M6PR: variants seen among roughly 807,000 people sequenced by gnomAD.
M6PR encodes mannose-6-phosphate receptor, cation dependent.
Under a neutral mutation model 33.1 loss-of-function variants are expected in M6PR, and 19 were observed. The observed-to-expected ratio is 0.57, with a 90% CI of 0.40 to 0.84. The LOEUF (loss-of-function observed/expected upper bound fraction) is 0.84. M6PR is among the 40% of genes least tolerant of loss of function. M6PR has a pLI of 0.00. For missense variants in M6PR, 295 were observed against 336.0 expected (o/e 0.88, Z 0.95); for synonymous variants, 111 against 123.4 (o/e 0.90, Z 0.67).
intron 1 of M6PR, chr12:8,946,628 GTC>G: frequency 2.4e-6 from 1 of 415,994 alleles, no homozygotes; most frequent in Non-Finnish European, 4.3e-6. Flanking sequence ...GTATAGGTGA[GTC>G]TTTCAGAACA....
rs1946008602 is a variant in M6PR at position 8,941,572 on chromosome 12, C to G, written c.*246G>C. 1 of 395,536 alleles carries G rather than the reference C, an allele frequency of 2.5e-6. No individual in the cohort carries two copies. The highest frequency in any genetic ancestry group is 4.0e-5 in the Admixed American group (1 of 24,822). 24.5% of individuals were successfully genotyped at this position (395,536 alleles called of 1,614,324 possible). On this transcript the variant is annotated 3_prime_UTR_variant, in exon 7 of 7. Coordinates refer to ENST00000000412, the MANE Select transcript of M6PR (RefSeq NM_002355.4). ...ATGTCAAGAGACAATGCAAAAGCCTCTGTTTTCACAGGCCCTATTATATTA... is the reference window on the plus strand; with the variant it reads ...ATGTCAAGAGACAATGCAAAAGCCTGTGTTTTCACAGGCCCTATTATATTA...
At position 8,941,901 on chromosome 12, in the gene M6PR, C is replaced by T. The variant is rs143820587; in HGVS notation, c.751G>A (p.Val251Met). Reference protein sequence around the residue: ...DFVCRSKPRNVPAAYRGVGDD... With the variant: ...DFVCRSKPRNMPAAYRGVGDD... Reference sequence around the variant, plus strand: ...CCCACACCACGATATGCTGCAGGCACATTTCGAGGTTTAGAACGGCAGACA... The same window carrying T: ...CCCACACCACGATATGCTGCAGGCATATTTCGAGGTTTAGAACGGCAGACA... The change falls in exon 7 of 7, where the codon GTG becomes ATG. Residue 251 changes from valine to methionine, a missense_variant. Physicochemically the swap from Val to Met is conservative, Grantham distance 21. Transcript: ENST00000000412. 6 of 1,613,990 alleles carry T rather than the reference C, an allele frequency of 3.7e-6. No homozygotes were observed. The highest frequency in any genetic ancestry group is 5.1e-6 in the Non-Finnish European group (6 of 1,180,026).
intron 1 of M6PR, chr12:8,946,828 C>T (rs1488231311): frequency 6.5e-6 from 1 of 154,628 alleles, no homozygotes; most frequent in East Asian, 1.9e-4. Context: ...TTTTACACTA[C>T]AAATCAATGA....
chr12:8,942,874 GA>G (rs11376818), intron 5 of M6PR, among the ~76,000 whole-genome samples: 1 of 151,382 alleles, frequency 6.6e-6, no homozygotes, highest in Non-Finnish European at 1.5e-5. Flanking sequence ...TGCAGTAGGG[GA>G]AAAAAGCACC....
At chr12:8,943,677 A>T (rs1592222391) in intron 4 of M6PR, 124 bp downstream of exon 4, 2 of 1,331,632 alleles carry the variant, frequency 1.5e-6, no homozygotes, top group East Asian at 4.6e-5. Flanking sequence ...ACACAGAGAG[A>T]AACTGAGCTC....
In M6PR at chr12:8,942,043, T is replaced by C. The variant is rs150398996; in HGVS notation, c.712-103A>G. ...GAATGTGGCAAGAATTGGTTTTCTATAGGGATAATGAGAAAACCTAAAAGA... is the reference window on the plus strand; with the variant it reads ...GAATGTGGCAAGAATTGGTTTTCTACAGGGATAATGAGAAAACCTAAAAGA... On this transcript the variant is annotated intron_variant, in intron 6 of 6. Coordinates refer to ENST00000000412, the MANE Select transcript of M6PR (RefSeq NM_002355.4). 918 of 1,310,756 alleles carry C rather than the reference T, an allele frequency of 7.0e-4. 14 individuals carry two copies. The East Asian group carries it at 0.019, about 28-fold the overall frequency. The allele number at this position is 1,310,756 out of a possible 1,614,324, so 81.2% of individuals were successfully genotyped here.
At position 8,941,774 on chromosome 12, in the gene M6PR, TGGTTTGGG is replaced by T. The variant is rs764054289; in HGVS notation, c.*36_*43del. ...CTTGAGAAATCTGGCTGTGTAGCTT[TGGTTTGGG>T]GGACTGAGGAAGAGGCTGGACATAT... is the stretch of plus-strand genomic sequence containing the variant. On this transcript the variant is annotated 3_prime_UTR_variant, in exon 7 of 7. Transcript: ENST00000000412. The T allele has an allele frequency of 3.1e-6, 5 of 1,609,662 alleles. No homozygotes were observed. The highest frequency in any genetic ancestry group is 3.4e-6 in the Non-Finnish European group (4 of 1,176,218).
chr12:8,943,625 T>C lies in M6PR; in HGVS notation c.454-90A>G, dbSNP rs926391640. The C allele has an allele frequency of 3.3e-6, 5 of 1,533,754 alleles. No individual in the cohort carries two copies. The Admixed American group carries it at 5.0e-5, about 15-fold the overall frequency. ...AAAAACCCAAAAAACATCTGCTCCTTCCTGGTTCAGCAGCCTATTTTCCAT... is the reference window on the plus strand; with the variant it reads ...AAAAACCCAAAAAACATCTGCTCCTCCCTGGTTCAGCAGCCTATTTTCCAT... On this transcript the variant is annotated intron_variant, in intron 4 of 6. Transcript: ENST00000000412.
In M6PR at chr12:8,942,172, A is replaced by T. The variant is rs1437159828; in HGVS notation, c.712-232T>A. 15 of 687,588 alleles carry T rather than the reference A, an allele frequency of 2.2e-5. No individual in the cohort carries two copies. In the East Asian group the frequency reaches 2.7e-4, roughly 12 times the overall value. 42.6% of individuals were successfully genotyped at this position (687,588 alleles called of 1,614,324 possible). A position where few individuals can be genotyped will look rare whatever the true frequency, so the allele number is the denominator to read the frequency against. On this transcript the variant is annotated intron_variant, in intron 6 of 6. Transcript: ENST00000000412. ...CAGGCCCTCTTAAAAGCTAAATCAG[A>T]TTTAGAAGAGCCCATCTGGTCAACA...
rs771548515 is a variant in M6PR at position 8,945,422 on chromosome 12, G to A, written c.339C>T (p.Asn113=). The A allele has an allele frequency of 1.6e-5, 26 of 1,613,804 alleles. No individual in the cohort carries two copies. The highest frequency in any genetic ancestry group is 4.5e-5 in the East Asian group (2 of 44,884). The change falls in exon 3 of 7, where the codon AAC becomes AAT. Residue 113 remains asparagine, a synonymous_variant. Coordinates refer to ENST00000000412, the MANE Select transcript of M6PR (RefSeq NM_002355.4). The part of the protein sequence containing the change: ...VGRLNETHIF[N]GSNWIMLIYK... Reference sequence around the variant, plus strand: ...TAGGAAGGGGAGTTTTCTTACTTCCGTTGAAGATGTGAGTCTCGTTGAGTC... The same window carrying A: ...TAGGAAGGGGAGTTTTCTTACTTCCATTGAAGATGTGAGTCTCGTTGAGTC...
At chr12:8,946,445 C>A (rs758417210) in intron 1 of M6PR, 40 bp from the exon 2 acceptor site, 3 of 1,520,588 alleles carry the variant, frequency 2.0e-6, no homozygotes, top group Middle Eastern at 1.7e-4. Context: ...CAGGTAGGAT[C>A]AGGAGAGAGA....
intron 3 of M6PR, 144 bp downstream of exon 3, chr12:8,945,274 T>C: frequency 1.3e-6 from 1 of 749,466 alleles, no homozygotes; most frequent in South Asian, 1.7e-5. Flanking sequence ...TTAGGCATCC[T>C]GTGGTATATT....
Position 8,949,265 on chromosome 12 carries a change from T to C in M6PR, c.-2+223A>G, listed in dbSNP as rs1005309032. On this transcript the variant is annotated intron_variant, in intron 1 of 6. Transcript: ENST00000000412. The surrounding 1 kb of genome is among the most constrained non-coding windows in gnomAD (Gnocchi z 5.6). ...TCCTTTCCCTGCTTTCTAAATATCGTAAATCCCCTCTCTGGTCTTGGAAGT... is the reference window on the plus strand; with the variant it reads ...TCCTTTCCCTGCTTTCTAAATATCGCAAATCCCCTCTCTGGTCTTGGAAGT... Among the ~76,000 whole-genome samples, 2 of 152,128 alleles carry C rather than the reference T, an allele frequency of 1.3e-5. No individual in the cohort carries two copies. Among genetic ancestry groups the C allele is most frequent in the East Asian group, 1.9e-4 (1 of 5,192 alleles).
At position 8,941,686 on chromosome 12, in the gene M6PR, CAAAAGCAAACTG is replaced by C; in HGVS notation, c.*120_*131del. ...GTTTTACTAGTGAGAAGATGCAAAT[CAAAAGCAAACTG>C]GAAAGCAAGAGCAATAGTAAGGGTG... On this transcript the variant is annotated 3_prime_UTR_variant, in exon 7 of 7. Transcript: ENST00000000412. 1 of 1,198,058 alleles carries C rather than the reference CAAAAGCAAACTG, an allele frequency of 8.3e-7. No individual in the cohort carries two copies. Among genetic ancestry groups the C allele is most frequent in the South Asian group, 1.4e-5 (1 of 69,102 alleles). The allele number at this position is 1,198,058 out of a possible 1,614,324, so 74.2% of individuals were successfully genotyped here.
At chr12:8,943,344 GT>G in intron 5 of M6PR, 60 bp downstream of exon 5, 2 of 1,597,528 alleles carry the variant, frequency 1.3e-6, no homozygotes, top group African/African-American at 1.3e-5. Flanking sequence ...CCACCATATA[GT>G]TACTGACCTT....
rs1462822943 is a variant in M6PR at position 8,949,247 on chromosome 12, C to T, written c.-2+241G>A. Reference sequence around the variant, plus strand: ...TCCATACTTGGGGTATTTTCCTTTCCCTGCTTTCTAAATATCGTAAATCCC... The same window carrying T: ...TCCATACTTGGGGTATTTTCCTTTCTCTGCTTTCTAAATATCGTAAATCCC... On this transcript the variant is annotated intron_variant, in intron 1 of 6. Coordinates refer to ENST00000000412, the MANE Select transcript of M6PR (RefSeq NM_002355.4). The surrounding 1 kb of genome is among the most constrained non-coding windows in gnomAD (Gnocchi z 5.6). Among the ~76,000 whole-genome samples the T allele has an allele frequency of 6.6e-6, 1 of 152,074 alleles. No homozygotes were observed. The highest frequency in any genetic ancestry group is 1.9e-4 in the East Asian group (1 of 5,192).
chr12:8,942,816 C>T (rs1239407563), intron 5 of M6PR, among the ~76,000 whole-genome samples: 1 of 152,112 alleles, frequency 6.6e-6, no homozygotes, highest in Admixed American at 6.6e-5. Flanking sequence ...TTCCATTTCT[C>T]TAGAAGTTCT....
chr12:8,942,571 A>C (rs376552777), intron 5 of M6PR, 29 bp from the exon 6 acceptor site: 78 of 1,606,556 alleles, frequency 4.9e-5, no homozygotes, highest in Non-Finnish European at 6.5e-5. Context: ...ATCTATACTT[A>C]AGAACTGGGA....
intron 5 of M6PR, 93 bp downstream of exon 5, chr12:8,943,312 A>ACC (rs1946050446): frequency 1.4e-6 from 2 of 1,419,408 alleles, no homozygotes; most frequent in Admixed American, 3.8e-5. Flanking sequence ...CATAATGTAC[A>ACC]CATACAATTT....
Sources: allele counts gnomAD v4.1 joint callset (sites outside exome capture counted in the v4.1 genomes callset), GRCh38; gene constraint gnomAD v4.1.1; non-coding constraint Gnocchi (gnomAD v3.1); transcripts MANE v1.5; gene names NCBI Gene and HGNC (gene_info 2026-07-23, HGNC 2026-07-21).